UBR3: variants seen among roughly 807,000 people sequenced by gnomAD.
UBR3 encodes E3 ubiquitin-protein ligase UBR3.
In UBR3, 85 loss-of-function variants were observed where a neutral mutation model predicts 243.2. That is an observed-to-expected ratio of 0.35 (90% CI 0.29 to 0.42). UBR3 has a LOEUF of 0.42. UBR3 is among the 10% of genes least tolerant of loss of function. The pLI is 1.00. For synonymous variants in UBR3, 748 were observed against 799.8 expected (o/e 0.94, Z 1.09); for missense variants, 1,686 against 2,300.8 (o/e 0.73, Z 5.47).
chr2:170,029,482 ACT>A, intron 31 of UBR3, 34 bp downstream of exon 31: 1 of 1,501,324 alleles, frequency 6.7e-7, no homozygotes, highest in Admixed American at 2.1e-5. Flanking sequence ...ATCAATTAAA[ACT>A]CTTTATGAAA....
chr2:169,948,027 G>A, intron 22 of UBR3: 2 of 703,150 alleles, frequency 2.8e-6, no homozygotes, highest in Non-Finnish European at 3.5e-6. Context: ...GTGTGTATGG[G>A]TGTTTAATTA....
chr2:169,990,460 T>C (rs2089219634), intron 25 of UBR3, among the ~76,000 whole-genome samples: 1 of 152,034 alleles, frequency 6.6e-6, no homozygotes, highest in Non-Finnish European at 1.5e-5. Flanking sequence ...GAGCAGTTAG[T>C]TTTCATAGCA....
At chr2:169,891,598 T>TGA (rs1361926091) in intron 6 of UBR3, among the ~76,000 whole-genome samples, 20 of 79,258 alleles carry the variant, frequency 2.5e-4, no homozygotes, top group African/African-American at 8.8e-4. Context: ...GATGACATGG[T>TGA]GAGAGAGAGA....
intron 1 of UBR3, among the ~76,000 whole-genome samples, chr2:169,831,930 G>A (rs2081953369): frequency 6.6e-6 from 1 of 152,126 alleles, no homozygotes; most frequent in East Asian, 1.9e-4. Flanking sequence ...TTAGAGGAAG[G>A]ATTCCTTTTT....
intron 24 of UBR3, among the ~76,000 whole-genome samples, chr2:169,969,139 G>A (rs972829320): frequency 3.3e-5 from 5 of 152,090 alleles, no homozygotes; most frequent in African/African-American, 1.2e-4. Context: ...CATACTGTAG[G>A]TTGTCTCTTC....
At chr2:170,019,524 A>G (rs933054778) in intron 30 of UBR3, among the ~76,000 whole-genome samples, 4 of 152,092 alleles carry the variant, frequency 2.6e-5, no homozygotes, top group African/African-American at 9.7e-5. Flanking sequence ...ATCTCTAAAA[A>G]GAAAAATAAA....
chr2:169,986,263 T>G lies in UBR3; in HGVS notation c.3635-382T>G, dbSNP rs2105387946. On this transcript the variant is annotated intron_variant, in intron 24 of 38. Coordinates refer to ENST00000272793, the MANE Select transcript of UBR3 (RefSeq NM_172070.4). ...TTTCCCAAGAGCTGTCATGTTGTTG[T>G]GAATAACCCCTTAGGTGCCTCAAGG... Among the ~76,000 whole-genome samples the G allele has an allele frequency of 1.3e-5, 2 of 152,310 alleles. 1 individual carries two copies. Among genetic ancestry groups the G allele is most frequent in the South Asian group, 4.1e-4 (2 of 4,832 alleles).
At chr2:169,927,427 T>C (rs2085949566) in intron 17 of UBR3, 22 bp downstream of exon 17, 1 of 1,485,730 alleles carries the variant, frequency 6.7e-7, no homozygotes, top group Non-Finnish European at 9.1e-7. Context: ...AAATTTTACT[T>C]TCTGTTAGTT....
chr2:169,964,618 A>G (rs2087727061), intron 24 of UBR3: 2 of 377,706 alleles, frequency 5.3e-6, no homozygotes, highest in South Asian at 4.3e-5. Context: ...GGTTAGGTAA[A>G]AGGTGAGTTC....
chr2:170,073,861 C>T (rs1260494731), intron 36 of UBR3, among the ~76,000 whole-genome samples: 1 of 152,058 alleles, frequency 6.6e-6, no homozygotes, highest in Non-Finnish European at 1.5e-5. Flanking sequence ...CTTAAGTAAT[C>T]ATAGGATTAG....
chr2:169,908,173 GTT>G (rs2085093176), intron 10 of UBR3, among the ~76,000 whole-genome samples: 1 of 151,990 alleles, frequency 6.6e-6, no homozygotes, highest in Non-Finnish European at 1.5e-5. Context: ...ATTCTCTTTT[GTT>G]GGCTCAGAGT....
At chr2:169,978,463 A>G (rs1293895661) in intron 24 of UBR3, among the ~76,000 whole-genome samples, 4 of 152,072 alleles carry the variant, frequency 2.6e-5, no homozygotes, top group Non-Finnish European at 4.4e-5. Flanking sequence ...CCCCGGGGGA[A>G]CAGGTCACAT....
intron 29 of UBR3, among the ~76,000 whole-genome samples, chr2:170,011,039 T>C (rs1477009743): frequency 3.3e-5 from 5 of 151,976 alleles, no homozygotes; most frequent in African/African-American, 7.3e-5. Context: ...GTGGCACACA[T>C]CTGTAGTCCC....
chr2:169,937,325 G>A lies in UBR3; in HGVS notation c.2663+4317G>A, dbSNP rs189068947. Among the ~76,000 whole-genome samples, 925 of 152,194 alleles carry A rather than the reference G, an allele frequency of 6.1e-3. 8 individuals are homozygous for A. The highest frequency in any genetic ancestry group is 0.019 in the African/African-American group (808 of 41,512). On this transcript the variant is annotated intron_variant, in intron 19 of 38. Coordinates refer to ENST00000272793, the MANE Select transcript of UBR3 (RefSeq NM_172070.4). ...GTCTTCTTTTGAGAAGTGTCTGTTC[G>A]TATCCTTCGCCCACTTTTTGATGGG...
Position 169,972,211 on chromosome 2 carries a change from C to G in UBR3, c.3634+13685C>G, listed in dbSNP as rs556051337. Among the ~76,000 whole-genome samples, 3 of 152,184 alleles carry G rather than the reference C, an allele frequency of 2.0e-5. No homozygotes were observed. The East Asian group carries it at 5.8e-4, about 29-fold the overall frequency. ...CACATACACTCTCCCAAGACTAAAC[C>G]AGGAAGAAGTTGAATCTCTGAATAG... On this transcript the variant is annotated intron_variant, in intron 24 of 38. Transcript: ENST00000272793.
chr2:169,972,854 C>A (rs1330126773), intron 24 of UBR3, among the ~76,000 whole-genome samples: 11 of 151,490 alleles, frequency 7.3e-5, no homozygotes, highest in Non-Finnish European at 1.6e-4. Flanking sequence ...AAAACTGGCA[C>A]AAGACAGGGA....
At chr2:170,021,167 A>G (rs2090380540) in intron 30 of UBR3, among the ~76,000 whole-genome samples, 1 of 152,196 alleles carries the variant, frequency 6.6e-6, no homozygotes, top group Non-Finnish European at 1.5e-5. Context: ...TCTAGTTTCT[A>G]TAGATTGTAA....
At chr2:170,024,532 C>G (rs2090477930) in intron 30 of UBR3, among the ~76,000 whole-genome samples, 1 of 151,780 alleles carries the variant, frequency 6.6e-6, no homozygotes, top group South Asian at 2.1e-4. Flanking sequence ...ATAATGGTAT[C>G]TGTGTGCATG....
At chr2:169,836,019 CTCTCTCTCTCTCTCTCTCTCTCTCTA>C (rs1377461926) in intron 1 of UBR3, among the ~76,000 whole-genome samples, 6 of 27,856 alleles carry the variant, frequency 2.2e-4, no homozygotes, top group African/African-American at 4.9e-4. Context: ...CTCTCTCTCT[CTCTCTCTCTCTCTCTCTCTCTCTCTA>C]TATATATATA....
Sources: gnomAD v4.1 joint callset for allele counts (sites outside exome capture counted in the v4.1 genomes callset) on GRCh38, gnomAD v4.1.1 for gene constraint, MANE v1.5 for transcripts, NCBI Gene and HGNC (gene_info 2026-07-23, HGNC 2026-07-21) for gene names.